Variants in PANK2 observed in about 807,000 individuals in gnomAD.
PANK2 encodes the protein pantothenate kinase 2.
In PANK2, 36 loss-of-function variants were observed where a neutral mutation model predicts 43.1. The observed-to-expected ratio is 0.84, with a 90% CI of 0.64 to 1.10. The LOEUF is 1.10. Among genes scored for constraint, PANK2 ranks in the 50% least tolerant of loss-of-function variants. The probability of loss-of-function intolerance (pLI) is 0.00; values close to 1 mark genes in which losing one functional copy is unlikely to be tolerated. For missense variants in PANK2, 576 were observed against 593.3 expected, an observed-to-expected ratio of 0.97 and a Z score of 0.30; for synonymous variants, 281 against 238.2, an observed-to-expected ratio of 1.18 and a Z score of -1.66.
At chr20:3,891,930 A>G (rs1231630176) in intron 1 of PANK2, among the ~76,000 whole-genome samples, 2 of 152,254 alleles carry the variant, frequency 1.3e-5, no homozygotes, top group Non-Finnish European at 2.9e-5. Flanking sequence ...TCTGGCTGAT[A>G]AATCATGAAA....
chr20:3,900,560 T>C (rs1199347025), intron 1 of PANK2, among the ~76,000 whole-genome samples: 1 of 151,952 alleles, frequency 6.6e-6, no homozygotes, highest in Non-Finnish European at 1.5e-5. Context: ...GTGACTCCAT[T>C]GTGGGTGATT....
chr20:3,907,776 G>A, intron 1 of PANK2, 150 bp from the exon 2 acceptor site: 1 of 675,440 alleles, frequency 1.5e-6, no homozygotes, highest in Non-Finnish European at 2.5e-6. Context: ...TCTAAATCAA[G>A]ACAGAATCAC....
upstream of PANK2, chr20:3,889,160 T>C (rs1224931248): frequency 6.3e-7 from 1 of 1,597,734 alleles, no homozygotes; most frequent in African/African-American, 1.3e-5. Flanking sequence ...CATCACTCTC[T>C]TCTGGGCTAC....
chr20:3,905,949 C>T (rs991500987), intron 1 of PANK2, among the ~76,000 whole-genome samples: 2 of 151,768 alleles, frequency 1.3e-5, no homozygotes, highest in Non-Finnish European at 1.5e-5. Context: ...CTCCTGACCT[C>T]AGGTGATCTG....
rs1218257806 is a variant in PANK2 at position 3,889,916 on chromosome 20, C to T, written c.298+188C>T. The T allele has an allele frequency of 3.9e-6, 6 of 1,525,744 alleles. No homozygotes were observed. In the African/African-American group the frequency reaches 4.1e-5, roughly 11 times the overall value. The allele number at this position is 1,525,744 out of a possible 1,614,324, so 94.5% of individuals were successfully genotyped here. On this transcript the variant is annotated intron_variant, in intron 1 of 6. Transcript: ENST00000610179. Reference sequence around the variant, plus strand: ...GCTCCGAAAGCGGTACCTTCGGGGGCCCCCCCGCACCCATTGGTATGCACT... The same window carrying T: ...GCTCCGAAAGCGGTACCTTCGGGGGTCCCCCCGCACCCATTGGTATGCACT...
At chr20:3,911,681 C>T (rs1257284663) in intron 3 of PANK2, among the ~76,000 whole-genome samples, 1 of 151,500 alleles carries the variant, frequency 6.6e-6, no homozygotes, top group African/African-American at 2.4e-5. Flanking sequence ...CACCAGAGGT[C>T]GGGAGTTCGA....
intron 1 of PANK2, among the ~76,000 whole-genome samples, chr20:3,903,836 T>G (rs147808513): frequency 0.071 from 10,820 of 151,874 alleles, 522 homozygotes; most frequent in East Asian, 0.15. Flanking sequence ...ACCATATTGG[T>G]CAGGCTGATC....
At chr20:3,900,659 A>G (rs1427296830) in intron 1 of PANK2, among the ~76,000 whole-genome samples, 2 of 151,796 alleles carry the variant, frequency 1.3e-5, no homozygotes, top group South Asian at 2.1e-4. Flanking sequence ...TTTCTCTCCT[A>G]ATTCCTGGTT....
At chr20:3,918,560 A>G in intron 5 of PANK2, 111 bp from the exon 6 acceptor site, 1 of 1,444,868 alleles carries the variant, frequency 6.9e-7, no homozygotes, top group Non-Finnish European at 9.7e-7. Context: ...AAATTTGATC[A>G]GCAGTCAAAT....
chr20:3,893,909 GTTTTTTTTTTGTTTGTTTTTTGTTTTT>G (rs1219866360), intron 1 of PANK2, among the ~76,000 whole-genome samples: 1 of 132,472 alleles, frequency 7.5e-6, no homozygotes, highest in Non-Finnish European at 1.6e-5. Flanking sequence ...CAAGATGGGA[GTTTTTTTTTTGTTTGTTTTTTGTTTTT>G]TTTTTTTTTT....
At chr20:3,889,189 G>GCGGAACCCGGATCCCCTCCT (rs1568549227), upstream of PANK2, 1 of 1,611,406 alleles carries the variant, frequency 6.2e-7, no homozygotes, top group Non-Finnish European at 8.5e-7. Context: ...CTCTTCCTCC[G>GCGGAACCCGGATCCCCTCCT]CGGAACCCGG....
In PANK2 at chr20:3,928,653, C is replaced by CG. The variant is rs1345558173; in HGVS notation, c.*5362dup. 1 of 135,666 alleles carries CG rather than the reference C, an allele frequency of 7.4e-6. No homozygotes were observed. Among genetic ancestry groups the CG allele is most frequent in the Non-Finnish European group, 1.6e-5 (1 of 64,428 alleles). 8.4% of individuals were successfully genotyped at this position (135,666 alleles called of 1,614,324 possible). On this transcript the variant is annotated 3_prime_UTR_variant, in exon 7 of 7. Transcript: ENST00000610179. ...GCACCTGTTGTCCCAGCTCCCGAGGCGGGAGAATGGCGTGAACCTGGGAGG... is the reference window on the plus strand; with the variant it reads ...GCACCTGTTGTCCCAGCTCCCGAGGCGGGGAGAATGGCGTGAACCTGGGAGG...
At chr20:3,911,324 C>T (rs892902982) in intron 3 of PANK2, among the ~76,000 whole-genome samples, 5 of 152,186 alleles carry the variant, frequency 3.3e-5, no homozygotes, top group Admixed American at 2.6e-4. Flanking sequence ...GTGGCTCATG[C>T]CTGTAATCCC....
chr20:3,896,229 A>ATTTTTTTTT (rs35978823), intron 1 of PANK2, among the ~76,000 whole-genome samples: 543 of 111,776 alleles, frequency 4.9e-3, no homozygotes, highest in Non-Finnish European at 5.5e-3. Context: ...CGCCTGGCTA[A>ATTTTTTTTT]TTTTTTTTTT....
intron 1 of PANK2, among the ~76,000 whole-genome samples, 154 bp from the exon 2 acceptor site, chr20:3,907,772 T>C (rs1460164476): frequency 6.6e-6 from 1 of 152,198 alleles, no homozygotes; most frequent in African/African-American, 2.4e-5. Context: ...TGCATCTAAA[T>C]CAAGACAGAA....
intron 1 of PANK2, among the ~76,000 whole-genome samples, chr20:3,900,225 G>A (rs988666933): frequency 6.6e-6 from 1 of 151,858 alleles, no homozygotes; most frequent in African/African-American, 2.4e-5. Flanking sequence ...ATTCTACCCA[G>A]TGTTTCCGTC....
chr20:3,896,497 T>G (rs1358118163), intron 1 of PANK2, among the ~76,000 whole-genome samples: 1 of 152,110 alleles, frequency 6.6e-6, no homozygotes, highest in African/African-American at 2.4e-5. Context: ...TGATGTCCTT[T>G]TGTGTGCTAA....
intron 1 of PANK2, chr20:3,901,543 A>T: frequency 1.1e-6 from 1 of 905,208 alleles, no homozygotes; most frequent in Non-Finnish European, 1.3e-6. Flanking sequence ...CCCTTTTCCA[A>T]CAAGACAGAA....
rs562052589 is a variant in PANK2, at chr20:3,927,179, C to T, written c.*3885C>T. ...ATGCCACAGGAAGGGCAGGGGCTTC[C>T]ATCACAATCACTCAGTACTAGTTAC... On this transcript the variant is annotated 3_prime_UTR_variant, in exon 7 of 7. Coordinates refer to ENST00000610179, the MANE Select transcript of PANK2 (RefSeq NM_001386393.1). 5 of 152,384 alleles carry T rather than the reference C, an allele frequency of 3.3e-5. No individual in the cohort carries two copies. The highest frequency in any genetic ancestry group is 1.2e-4 in the African/African-American group (5 of 41,570). 9.4% of individuals were successfully genotyped at this position (152,384 alleles called of 1,614,324 possible). A position where few individuals can be genotyped will look rare whatever the true frequency, so the allele number is the denominator to read the frequency against.
Sources: gnomAD v4.1 joint callset for allele counts (sites outside exome capture counted in the v4.1 genomes callset) on GRCh38, gnomAD v4.1.1 for gene constraint, MANE v1.5 for transcripts, NCBI Gene and HGNC (gene_info 2026-07-23, HGNC 2026-07-21) for gene names.